The following RPTOR variants were observed in gnomAD, a reference collection of about 807,000 sequenced individuals.
RPTOR encodes regulatory-associated protein of mTOR.
Under a neutral mutation model 169.9 loss-of-function variants are expected in RPTOR, and 21 were observed. That is an observed-to-expected ratio of 0.12 (90% CI 0.09 to 0.18). The LOEUF (loss-of-function observed/expected upper bound fraction) is 0.18. Among genes scored for constraint, RPTOR ranks in the 10% least tolerant of loss-of-function variants. RPTOR has a pLI of 1.00. For missense variants in RPTOR, 1,133 were observed against 1,855.9 expected (o/e 0.61, Z 7.16); for synonymous variants, 732 against 753.2 (o/e 0.97, Z 0.46).
At chr17:80,570,487 G>A (rs991683868) in intron 1 of RPTOR, among the ~76,000 whole-genome samples, 18 of 152,016 alleles carry the variant, frequency 1.2e-4, no homozygotes, top group African/African-American at 4.1e-4. Context: ...TTGAGACAGA[G>A]TCTCACTCTG....
At chr17:80,761,290 T>C (rs952754563) in intron 6 of RPTOR, among the ~76,000 whole-genome samples, 2 of 152,268 alleles carry the variant, frequency 1.3e-5, no homozygotes, top group Admixed American at 1.3e-4. Flanking sequence ...TGCACTGTGC[T>C]GCATGCACTA....
chr17:80,890,354 G>A (rs1237660210), intron 17 of RPTOR, among the ~76,000 whole-genome samples: 1 of 152,394 alleles, frequency 6.6e-6, no homozygotes, highest in East Asian at 1.9e-4. Context: ...TGTTCGCTTT[G>A]TCGGAGGCCC....
chr17:80,751,974 C>G (rs901308669), intron 5 of RPTOR, among the ~76,000 whole-genome samples: 1 of 152,160 alleles, frequency 6.6e-6, no homozygotes, highest in East Asian at 1.9e-4. Flanking sequence ...CCATTACAGC[C>G]GAATTATAGG....
At chr17:80,949,330 C>T (rs543947201) in intron 27 of RPTOR, 113 bp from the exon 28 acceptor site, 39 of 897,334 alleles carry the variant, frequency 4.3e-5, no homozygotes, top group East Asian at 3.6e-4. Context: ...TCAGGCTGGC[C>T]GCCCAGGGTC....
At chr17:80,836,717 G>A (rs753347353) in intron 9 of RPTOR, among the ~76,000 whole-genome samples, 5 of 152,094 alleles carry the variant, frequency 3.3e-5, no homozygotes, top group African/African-American at 7.2e-5. Context: ...GGGAGGTGCC[G>A]GCAGAGGGGC....
At chr17:80,958,693 G>A (rs373113649) in intron 29 of RPTOR, among the ~76,000 whole-genome samples, 4 of 152,260 alleles carry the variant, frequency 2.6e-5, no homozygotes, top group East Asian at 3.9e-4. Context: ...GATTACAGGC[G>A]TGAGCCACTG....
chr17:80,768,791 G>A (rs1036269348), intron 6 of RPTOR, among the ~76,000 whole-genome samples: 1 of 152,100 alleles, frequency 6.6e-6, no homozygotes, highest in East Asian at 1.9e-4. Context: ...CATTTTAGTG[G>A]CAGTTTGGCT....
At chr17:80,895,469 C>G (rs998617252) in intron 20 of RPTOR, among the ~76,000 whole-genome samples, 1 of 152,270 alleles carries the variant, frequency 6.6e-6, no homozygotes, top group Non-Finnish European at 1.5e-5. Flanking sequence ...TCCCCTGGAG[C>G]TTGAGAGCCG....
chr17:80,669,969 C>A (rs928088999), intron 3 of RPTOR, among the ~76,000 whole-genome samples: 4 of 152,232 alleles, frequency 2.6e-5, no homozygotes, highest in African/African-American at 9.6e-5. Context: ...TACAACATCA[C>A]TCAGGTATCT....
chr17:80,796,432 GA>G (rs1427424238), intron 7 of RPTOR, among the ~76,000 whole-genome samples: 37 of 152,326 alleles, frequency 2.4e-4, no homozygotes, highest in African/African-American at 8.7e-4. Context: ...AGTCATGGCA[GA>G]AAGGGAAGGG....
chr17:80,800,722 A>G (rs1026714208), intron 7 of RPTOR, among the ~76,000 whole-genome samples: 1 of 152,200 alleles, frequency 6.6e-6, no homozygotes, highest in African/African-American at 2.4e-5. Flanking sequence ...CAGCCCTGAA[A>G]CAAAGTAATG....
rs187066117 is a variant in RPTOR, at chr17:80,678,088, G to A, written c.349-29753G>A. ...CACAATATACTCCAACTTGAAAATC[G>A]TAAAAAGAGGTAACACCCAATCCAA... On this transcript the variant is annotated intron_variant, in intron 3 of 33. Transcript: ENST00000306801. Among the ~76,000 whole-genome samples the A allele has an allele frequency of 2.8e-4, 43 of 152,306 alleles. No homozygotes were observed. In the South Asian group the frequency reaches 7.5e-3, roughly 26 times the overall value.
At chr17:80,788,858 C>T (rs1242038413) in intron 6 of RPTOR, among the ~76,000 whole-genome samples, 1 of 152,156 alleles carries the variant, frequency 6.6e-6, no homozygotes, top group Non-Finnish European at 1.5e-5. Context: ...TGCCTTTGCC[C>T]ACTCTTTGAC....
intron 1 of RPTOR, among the ~76,000 whole-genome samples, chr17:80,608,656 A>G (rs1317563115): frequency 6.6e-6 from 1 of 152,124 alleles, no homozygotes; most frequent in African/African-American, 2.4e-5. Flanking sequence ...GGCTGGGTGC[A>G]TTGCTGCCTT....
At chr17:80,631,918 A>G (rs1238593995) in intron 2 of RPTOR, among the ~76,000 whole-genome samples, 2 of 152,200 alleles carry the variant, frequency 1.3e-5, no homozygotes, top group Non-Finnish European at 2.9e-5. Flanking sequence ...CAGCCTGGGC[A>G]ACAGAGTGAG....
At chr17:80,751,659 A>G (rs116561215) in intron 5 of RPTOR, among the ~76,000 whole-genome samples, 217 of 152,232 alleles carry the variant, frequency 1.4e-3, no homozygotes, top group African/African-American at 5.1e-3. Context: ...TACAATATTC[A>G]TTTACAATAG....
chr17:80,690,950 A>G (rs2065986351), intron 3 of RPTOR, among the ~76,000 whole-genome samples: 1 of 152,086 alleles, frequency 6.6e-6, no homozygotes, highest in South Asian at 2.1e-4. Context: ...ACATGACACT[A>G]TGCCTTGCTA....
At chr17:80,927,503 G>C (rs1230993083) in intron 24 of RPTOR, among the ~76,000 whole-genome samples, 1 of 152,068 alleles carries the variant, frequency 6.6e-6, no homozygotes, top group East Asian at 1.9e-4. Flanking sequence ...AAATGAATTT[G>C]ACTTTTCCCC....
chr17:80,795,090 G>A (rs1229505660), intron 7 of RPTOR, among the ~76,000 whole-genome samples: 3 of 152,218 alleles, frequency 2.0e-5, no homozygotes, highest in Admixed American at 2.0e-4. Context: ...AACACCACGA[G>A]AGTGAGCAGG....
Sources: allele counts gnomAD v4.1 joint callset (sites outside exome capture counted in the v4.1 genomes callset), GRCh38; gene constraint gnomAD v4.1.1; transcripts MANE v1.5; gene names NCBI Gene and HGNC (gene_info 2026-07-23, HGNC 2026-07-21).